The following ARMH4 variants were observed in gnomAD, a reference collection of about 807,000 sequenced individuals.
ARMH4 encodes the protein armadillo-like helical domain-containing protein 4.
In ARMH4, 49 loss-of-function variants were observed where a neutral mutation model predicts 61.9. The ratio of observed to expected loss-of-function variants is 0.79; its 90% CI spans 0.63 to 1.00. The LOEUF (loss-of-function observed/expected upper bound fraction) is 1.00, where lower values mean the gene tolerates loss of function less well. Among genes scored for constraint, ARMH4 ranks in the 50% least tolerant of loss-of-function variants. ARMH4 has a pLI of 0.00. For synonymous variants in ARMH4, 368 were observed against 341.5 expected (o/e 1.08, Z -0.85); for missense variants, 934 against 930.0 (o/e 1.00, Z -0.06).
At chr14:58,021,389 T>C (rs1289417233) in intron 5 of ARMH4, among the ~76,000 whole-genome samples, 2 of 152,226 alleles carry the variant, frequency 1.3e-5, no homozygotes, top group Non-Finnish European at 1.5e-5. Flanking sequence ...TGCTGCCATG[T>C]AGGATGTGCC....
chr14:58,038,414 A>C (rs1445807084), intron 5 of ARMH4, among the ~76,000 whole-genome samples: 1 of 90,102 alleles, frequency 1.1e-5, no homozygotes, highest in Non-Finnish European at 2.1e-5. Context: ...GGGTCGGGGG[A>C]GGGGGGAGGG....
At position 58,138,892 on chromosome 14, in the gene ARMH4, G is replaced by T. The variant is rs200368563; in HGVS notation, c.467C>A (p.Thr156Asn). 2 of 1,614,046 alleles carry T rather than the reference G, an allele frequency of 1.2e-6. No homozygotes were observed. The highest frequency in any genetic ancestry group is 1.7e-6 in the Non-Finnish European group (2 of 1,180,050). Residue 156 changes from threonine (T) to asparagine (N), a missense_variant, in exon 2 of 8, where the codon ACT becomes AAT. Coordinates refer to ENST00000267485, the MANE Select transcript of ARMH4 (RefSeq NM_001001872.4). ...TIAITATPSLTVDEKEELLTS... is the reference protein window; with the variant it reads ...TIAITATPSLNVDEKEELLTS... ...AAGGAGTTCCTCCTTTTCATCAACA[G>T]TCAGAGAAGGAGTCGCAGTGATAGC...
At chr14:58,020,559 T>C (rs1435384211) in intron 5 of ARMH4, among the ~76,000 whole-genome samples, 2 of 152,066 alleles carry the variant, frequency 1.3e-5, no homozygotes, top group Non-Finnish European at 2.9e-5. Flanking sequence ...TGCTCTATTA[T>C]CTTTCTCTCC....
intron 4 of ARMH4, among the ~76,000 whole-genome samples, chr14:58,105,889 T>C (rs1264684097): frequency 1.3e-5 from 2 of 152,184 alleles, no homozygotes; most frequent in Non-Finnish European, 2.9e-5. Context: ...CTAGTCATGT[T>C]ACCTAGAATT....
intron 5 of ARMH4, among the ~76,000 whole-genome samples, chr14:58,047,530 A>G (rs772398787): frequency 6.6e-5 from 10 of 152,210 alleles, no homozygotes; most frequent in Admixed American, 2.6e-4. Context: ...TGCACAGATG[A>G]GAGAACTGGG....
At chr14:58,012,344 C>T (rs1456666163) in intron 5 of ARMH4, among the ~76,000 whole-genome samples, 194 bp from the exon 6 acceptor site, 1 of 152,098 alleles carries the variant, frequency 6.6e-6, no homozygotes, top group Non-Finnish European at 1.5e-5. Context: ...ACAAACATCC[C>T]TCATATCATT....
rs1480452997 is a variant in ARMH4 at position 58,130,065 on chromosome 14, TA to T, written c.1831+1446del. 1.2e-4 allele frequency among the ~76,000 whole-genome samples: 18 copies of T among 152,316 alleles called. No homozygotes were observed. The South Asian group carries it at 2.7e-3, about 23-fold the overall frequency. The stretch of plus-strand genomic sequence containing the variant: ...TTCACAAGTATGGATTATTCACAAA[TA>T]TTTTTTTTCTCTGATTTAATGAGCC... On this transcript the variant is annotated intron_variant, in intron 4 of 7. Coordinates refer to ENST00000267485, the MANE Select transcript of ARMH4 (RefSeq NM_001001872.4).
At chr14:58,054,127 G>C (rs187955234) in intron 5 of ARMH4, among the ~76,000 whole-genome samples, 6 of 152,212 alleles carry the variant, frequency 3.9e-5, no homozygotes, top group African/African-American at 1.4e-4. Flanking sequence ...CAAGTGGTGG[G>C]GCCAAAAATC....
intron 5 of ARMH4, among the ~76,000 whole-genome samples, chr14:58,049,708 A>T (rs532897984): frequency 1.5e-3 from 230 of 152,284 alleles, no homozygotes; most frequent in African/African-American, 2.9e-3. Flanking sequence ...TGTCACAAAA[A>T]AAAATAAAAT....
chr14:58,061,095 A>G (rs1361774439), intron 5 of ARMH4, among the ~76,000 whole-genome samples: 1 of 152,044 alleles, frequency 6.6e-6, no homozygotes, highest in African/African-American at 2.4e-5. Context: ...GCTGAGCTCC[A>G]ACTCCGTGAG....
chr14:58,041,828 A>G (rs534094640), intron 5 of ARMH4, among the ~76,000 whole-genome samples: 1 of 152,348 alleles, frequency 6.6e-6, no homozygotes, highest in South Asian at 2.1e-4. Flanking sequence ...TTAAACCAAC[A>G]AAGATCAAAA....
At chr14:58,094,883 T>A (rs1885697041) in intron 5 of ARMH4, among the ~76,000 whole-genome samples, 2 of 152,176 alleles carry the variant, frequency 1.3e-5, no homozygotes, top group Admixed American at 1.3e-4. Flanking sequence ...CATGGGTGTA[T>A]ACAACTCTCA....
chr14:58,109,332 T>C (rs1385278398), intron 4 of ARMH4, among the ~76,000 whole-genome samples: 4 of 152,180 alleles, frequency 2.6e-5, no homozygotes, highest in Non-Finnish European at 5.9e-5. Context: ...AGCTTCAATA[T>C]AGTTTTTTCT....
At chr14:58,144,594 G>A (rs544934184) in intron 1 of ARMH4, among the ~76,000 whole-genome samples, 137 of 152,246 alleles carry the variant, frequency 9.0e-4, no homozygotes, top group African/African-American at 2.6e-3. Context: ...GAGGCCTGGC[G>A]CAGTGGCTCA....
intron 4 of ARMH4, among the ~76,000 whole-genome samples, chr14:58,120,596 G>A (rs546716592): frequency 6.6e-6 from 1 of 152,332 alleles, no homozygotes; most frequent in African/African-American, 2.4e-5. Context: ...CAGCCCGCAG[G>A]AGGTTGTGAG....
At position 58,055,103 on chromosome 14, in the gene ARMH4, T is replaced by C. The variant is rs985716459; in HGVS notation, c.2089+41621A>G. Reference sequence around the variant, plus strand: ...GTAAACTTTCATAACTTCACTCTAATAGCTGCAGTGACTGCCCCAAGCCCT... The same window carrying C: ...GTAAACTTTCATAACTTCACTCTAACAGCTGCAGTGACTGCCCCAAGCCCT... On this transcript the variant is annotated intron_variant, in intron 5 of 7. Coordinates refer to ENST00000267485, the MANE Select transcript of ARMH4 (RefSeq NM_001001872.4). Among the ~76,000 whole-genome samples the C allele has an allele frequency of 6.6e-5, 10 of 152,252 alleles. No homozygotes were observed. In the South Asian group the frequency reaches 1.4e-3, roughly 22 times the overall value.
chr14:58,078,137 C>T (rs1885105792), intron 5 of ARMH4, among the ~76,000 whole-genome samples: 1 of 152,204 alleles, frequency 6.6e-6, no homozygotes, highest in South Asian at 2.1e-4. Context: ...GTTCTTGTCT[C>T]CTTGATCTTC....
chr14:58,044,133 C>T lies in ARMH4; in HGVS notation c.2090-31983G>A, dbSNP rs569297224. ...AAACTACTTTAAAGTTCATATGGAA[C>T]CAAAAAAGAGCCCGCATTGCCAAAT... On this transcript the variant is annotated intron_variant, in intron 5 of 7. Coordinates refer to ENST00000267485, the MANE Select transcript of ARMH4 (RefSeq NM_001001872.4). Among the ~76,000 whole-genome samples the T allele has an allele frequency of 5.3e-5, 8 of 152,150 alleles. No homozygotes were observed. In the East Asian group the frequency reaches 1.5e-3, roughly 29 times the overall value.
chr14:58,085,497 T>A (rs977880598), intron 5 of ARMH4, among the ~76,000 whole-genome samples: 18 of 152,158 alleles, frequency 1.2e-4, no homozygotes, highest in Non-Finnish European at 4.4e-5. Context: ...TTAATGTTTT[T>A]ATTAACTGTA....
Sources: gnomAD v4.1 joint callset for allele counts (sites outside exome capture counted in the v4.1 genomes callset) on GRCh38, gnomAD v4.1.1 for gene constraint, MANE v1.5 for transcripts, NCBI Gene and HGNC (gene_info 2026-07-23, HGNC 2026-07-21) for gene names.